PWWP2A: variants seen among roughly 807,000 people sequenced by gnomAD.
PWWP2A encodes PWWP domain containing 2A, also known as PWWP domain-containing protein 2A.
A neutral mutation model predicts 48.5 loss-of-function variants in PWWP2A; 18 were observed. The ratio of observed to expected loss-of-function variants is 0.37; its 90% confidence interval spans 0.26 to 0.55. The LOEUF is 0.55. PWWP2A is among the 20% of genes least tolerant of loss of function. The probability of loss-of-function intolerance (pLI) is 0.81; values close to 1 mark genes in which losing one functional copy is unlikely to be tolerated. For synonymous variants in PWWP2A, 396 were observed against 387.7 expected (o/e 1.02, Z -0.25); for missense variants, 867 against 976.4 (o/e 0.89, Z 1.49).
At chr5:160,056,645 C>A in the PWWP2A span, among the ~76,000 whole-genome samples, 1 of 152,184 alleles carries the variant, frequency 6.6e-6, no homozygotes, top group East Asian at 1.9e-4. Context: ...ATTGCTTGAG[C>A]CCAGGAGATC....
chr5:160,053,126 G>T, the PWWP2A span, among the ~76,000 whole-genome samples: 1 of 151,802 alleles, frequency 6.6e-6, no homozygotes, highest in Non-Finnish European at 1.5e-5. Context: ...TGCTGATGAG[G>T]TAACTTTGGT....
intron 1 of PWWP2A, 22 bp downstream of exon 1, chr5:160,118,783 G>A: frequency 7.0e-7 from 1 of 1,427,214 alleles, no homozygotes; most frequent in South Asian, 1.5e-5. Context: ...GGACCGGAGG[G>A]TGCTGGGGGC....
At chr5:160,115,428 A>T (rs1243527205) in intron 1 of PWWP2A, among the ~76,000 whole-genome samples, 2 of 151,978 alleles carry the variant, frequency 1.3e-5, no homozygotes, top group African/African-American at 4.8e-5. Flanking sequence ...ACGGTGGCTC[A>T]TGCCCATAAT....
chr5:160,119,337 C>T lies in PWWP2A; in HGVS notation c.52G>A (p.Gly18Arg). The T allele has an allele frequency of 7.2e-7, 1 of 1,390,516 alleles. No homozygotes were observed. Among genetic ancestry groups the T allele is most frequent in the Non-Finnish European group, 9.3e-7 (1 of 1,078,712 alleles). The allele number at this position is 1,390,516 out of a possible 1,614,324, so 86.1% of individuals were successfully genotyped here. ...AAATAASPGE[G>R]GAGEAEPEME... ...TCCGGCTCGGCCTCGCCGGCGCCCC[C>T]CTCCCCGGGGGACGCTGCAGTCGCT... Residue 18 changes from glycine to arginine, a missense_variant, in exon 1 of 2, where the codon GGG becomes AGG. This residue lies in a region of PWWP2A where 385 missense variants were observed against 396.9 expected (regional missense o/e 0.97). Coordinates refer to ENST00000307063, the MANE Select transcript of PWWP2A (RefSeq NM_001130864.2).
intron 2 of PWWP2A, among the ~76,000 whole-genome samples, chr5:160,067,372 C>T (rs1753639538): frequency 1.3e-5 from 2 of 152,114 alleles, no homozygotes; most frequent in Admixed American, 1.3e-4. Context: ...GATCCTTGGA[C>T]TACATTTTGA....
chr5:160,099,601 G>A (rs1410957302), intron 1 of PWWP2A, among the ~76,000 whole-genome samples: 1 of 151,864 alleles, frequency 6.6e-6, no homozygotes, highest in East Asian at 1.9e-4. Flanking sequence ...GATTAGAGGT[G>A]TGAGCCACCA....
chr5:160,089,281 T>C (rs893983057), downstream of PWWP2A, among the ~76,000 whole-genome samples: 1 of 152,054 alleles, frequency 6.6e-6, no homozygotes, highest in Non-Finnish European at 1.5e-5. Flanking sequence ...AGCCTCCAAC[T>C]CCTGACCTCA....
intron 2 of PWWP2A, among the ~76,000 whole-genome samples, chr5:160,085,817 A>G (rs1220276285): frequency 1.4e-5 from 2 of 138,592 alleles, no homozygotes. Flanking sequence ...CACATGTCAT[A>G]TTCTTTTTTT....
intron 1 of PWWP2A, among the ~76,000 whole-genome samples, chr5:160,117,424 G>A (rs1418513220): frequency 6.6e-6 from 1 of 152,268 alleles, no homozygotes; most frequent in Non-Finnish European, 1.5e-5. Flanking sequence ...GGAGGCTGAG[G>A]CGGGTGGATA....
chr5:160,056,977 CT>C (rs1326175035), downstream of PWWP2A, among the ~76,000 whole-genome samples: 362 of 147,436 alleles, frequency 2.5e-3, 2 homozygotes, highest in African/African-American at 7.9e-3. Context: ...GAAACCCAGT[CT>C]TTTTTTTTTT....
rs1033355109 is a variant in PWWP2A at position 160,103,894 on chromosome 5, G to T, written c.585-9829C>A. 2.0e-5 allele frequency among the ~76,000 whole-genome samples: 3 copies of T among 151,584 alleles called. No individual in the cohort carries two copies. The South Asian group carries it at 6.2e-4, about 32-fold the overall frequency. ...CTCAACACTCTGGGAGGCCGAGGTG[G>T]GTGGATCACTTGAGACCAGGAGTTC... On this transcript the variant is annotated intron_variant, in intron 1 of 1. Coordinates refer to ENST00000307063, the MANE Select transcript of PWWP2A (RefSeq NM_001130864.2).
rs1457862978 is a variant in PWWP2A at position 160,092,704 on chromosome 5, T to C, written c.1946A>G (p.Asp649Gly). ...GTCCCCTACACATATGGTCCTGCCA[T>C]CTGGTGTGACGCATTTAGAGACGTT... Reference protein sequence around the residue: ...SKNVSKCVTPDGRTICVGDIV... With the variant: ...SKNVSKCVTPGGRTICVGDIV... The change falls in exon 2 of 2, where the codon GAT becomes GGT. Residue 649 changes from aspartate to glycine, a missense_variant. Asp to Gly is a moderately conservative substitution (Grantham distance 94). Coordinates refer to ENST00000307063, the MANE Select transcript of PWWP2A (RefSeq NM_001130864.2). 2.6e-6 allele frequency: 4 copies of C among 1,551,728 alleles called. No homozygotes were observed. Among genetic ancestry groups the C allele is most frequent in the Non-Finnish European group, 2.6e-6 (3 of 1,147,004 alleles).
chr5:160,067,564 C>G (rs552264948), intron 2 of PWWP2A, among the ~76,000 whole-genome samples: 1 of 152,264 alleles, frequency 6.6e-6, no homozygotes, highest in Admixed American at 6.5e-5. Context: ...GGTTTTGTTT[C>G]TTAGGCTTCC....
Position 160,117,277 on chromosome 5 carries a change from C to G in PWWP2A, c.584+1528G>C, listed in dbSNP as rs892045092. On this transcript the variant is annotated intron_variant, in intron 1 of 1. Transcript: ENST00000307063. ...GAGTCTGAGACCAGCCTAGGCAGCA[C>G]AGCAAGACCCTGTCTCTATTAAATA... 7.2e-5 allele frequency among the ~76,000 whole-genome samples: 11 copies of G among 152,220 alleles called. No homozygotes were observed. The East Asian group carries it at 9.7e-4, about 13-fold the overall frequency.
chr5:160,086,771 C>T (rs373825029), downstream of PWWP2A, among the ~76,000 whole-genome samples: 1 of 152,082 alleles, frequency 6.6e-6, no homozygotes, highest in South Asian at 2.1e-4. Flanking sequence ...CATGAACCAC[C>T]ATGTTCAGCC....
At chr5:160,070,134 A>G (rs967734524) in intron 2 of PWWP2A, among the ~76,000 whole-genome samples, 1 of 152,308 alleles carries the variant, frequency 6.6e-6, no homozygotes, top group Admixed American at 6.5e-5. Context: ...TCATGGATCC[A>G]TGCTGTTAAA....
In PWWP2A at chr5:160,068,955, G is replaced by C. The variant is rs73817275; in HGVS notation, c.*80-2084C>G. 3.9e-3 allele frequency among the ~76,000 whole-genome samples: 601 copies of C among 152,284 alleles called. 6 individuals carry two copies. The highest frequency in any genetic ancestry group is 0.014 in the African/African-American group (582 of 41,568). ...TCATCTCCATAAATTTTAAGACCCAGCAAGTAATTCAAATGTCAGCTTAGG... is the reference window on the plus strand; with the variant it reads ...TCATCTCCATAAATTTTAAGACCCACCAAGTAATTCAAATGTCAGCTTAGG... On this transcript the variant is annotated intron_variant and NMD_transcript_variant, in intron 2 of 5. Transcript: ENST00000524050.
In PWWP2A at chr5:160,109,190, G is replaced by T. The variant is rs557382395; in HGVS notation, c.584+9615C>A. Among the ~76,000 whole-genome samples, 148 of 152,084 alleles carry T rather than the reference G, an allele frequency of 9.7e-4. 1 individual carries two copies. Among genetic ancestry groups the T allele is most frequent in the Middle Eastern group, 6.8e-3 (2 of 294 alleles). On this transcript the variant is annotated intron_variant, in intron 1 of 1. Coordinates refer to ENST00000307063, the MANE Select transcript of PWWP2A (RefSeq NM_001130864.2). The stretch of plus-strand genomic sequence containing the variant: ...GTAGAGATGGGGTTTCGCCATGTTG[G>T]CCAGGCTGGTCCCAAACTCCTGGCC...
intron 1 of PWWP2A, among the ~76,000 whole-genome samples, chr5:160,097,728 G>GT (rs1008020127): frequency 4.9e-5 from 5 of 101,792 alleles, no homozygotes; most frequent in South Asian, 7.3e-4. Context: ...CGGTTGTTTT[G>GT]TTTTTTTGAG....
Sources: gnomAD v4.1 joint callset for allele counts (sites outside exome capture counted in the v4.1 genomes callset) on GRCh38, gnomAD v4.1.1 for gene constraint, gnomAD v4.1.1 regional missense constraint, MANE v1.5 for transcripts, NCBI Gene and HGNC (gene_info 2026-07-23, HGNC 2026-07-21) for gene names.